The following NEDD9 variants were observed in gnomAD, a reference collection of about 807,000 sequenced individuals.
NEDD9 encodes the protein neural precursor cell expressed, developmentally down-regulated 9.
Under a neutral mutation model 76.6 loss-of-function variants are expected in NEDD9, and 26 were observed. The ratio of observed to expected loss-of-function variants is 0.34; its 90% confidence interval spans 0.25 to 0.47. NEDD9 has a LOEUF of 0.47. NEDD9 is among the 20% of genes least tolerant of loss of function. The pLI is 1.00. For synonymous variants in NEDD9, 392 were observed against 414.2 expected (o/e 0.95, Z 0.65); for missense variants, 937 against 1,058.5 (o/e 0.89, Z 1.59).
chr6:11,325,123 A>C (rs376651237), intron 2 of NEDD9, among the ~76,000 whole-genome samples: 1 of 152,146 alleles, frequency 6.6e-6, no homozygotes, highest in South Asian at 2.1e-4. Flanking sequence ...TGGGAGGCCG[A>C]GGTGGTGGAT....
At chr6:11,308,962 C>A (rs1056552244) in intron 2 of NEDD9, among the ~76,000 whole-genome samples, 3 of 152,122 alleles carry the variant, frequency 2.0e-5, no homozygotes, top group Non-Finnish European at 4.4e-5. Flanking sequence ...AGCAAAGCAG[C>A]GTCTAAAGTA....
intron 1 of NEDD9, among the ~76,000 whole-genome samples, chr6:11,353,243 C>A (rs1323330044): frequency 2.0e-5 from 3 of 152,234 alleles, no homozygotes; most frequent in Non-Finnish European, 1.5e-5. Flanking sequence ...GGAGTCCTAT[C>A]TCCTTGCACC....
At chr6:11,325,619 G>T (rs1240425665) in intron 2 of NEDD9, among the ~76,000 whole-genome samples, 1 of 152,112 alleles carries the variant, frequency 6.6e-6, no homozygotes, top group Non-Finnish European at 1.5e-5. Context: ...GAATAAGAAT[G>T]ATTTTAAAAG....
At chr6:11,236,670 C>A (rs1162970851), upstream of NEDD9, among the ~76,000 whole-genome samples, 1 of 152,116 alleles carries the variant, frequency 6.6e-6, no homozygotes, top group Non-Finnish European at 1.5e-5. The surrounding 1 kb of genome is among the most constrained non-coding windows in gnomAD (Gnocchi z 5.5). Context: ...GAGGTCAGGC[C>A]CCTGAATCTC....
chr6:11,300,018 G>A (rs138197172), intron 3 of NEDD9, among the ~76,000 whole-genome samples: 2 of 152,330 alleles, frequency 1.3e-5, no homozygotes, highest in East Asian at 3.9e-4. Context: ...AGTTTGATGA[G>A]TTGACAGAAG....
intron 2 of NEDD9, among the ~76,000 whole-genome samples, chr6:11,196,862 A>T (rs568105340): frequency 2.6e-5 from 4 of 152,194 alleles, no homozygotes; most frequent in Admixed American, 1.3e-4. Flanking sequence ...GGGAGCTCGA[A>T]GTCTTCTACT....
chr6:11,288,760 G>A (rs1027364254), intron 3 of NEDD9, among the ~76,000 whole-genome samples: 12 of 152,132 alleles, frequency 7.9e-5, no homozygotes, highest in Non-Finnish European at 1.6e-4. Context: ...CAGGCACAAT[G>A]CAGCCACTTG....
At chr6:11,357,186 A>G (rs1762593402) in intron 1 of NEDD9, among the ~76,000 whole-genome samples, 1 of 152,178 alleles carries the variant, frequency 6.6e-6, no homozygotes, top group African/African-American at 2.4e-5. Context: ...TTGCTGGGAC[A>G]TTACACAAGC....
intron 3 of NEDD9, among the ~76,000 whole-genome samples, chr6:11,261,853 T>C (rs1029903000): frequency 3.9e-5 from 6 of 152,148 alleles, no homozygotes; most frequent in Admixed American, 3.9e-4. Context: ...GGCCCAGCGG[T>C]GAAGCTTGCA....
intron 1 of NEDD9, among the ~76,000 whole-genome samples, chr6:11,348,245 T>C (rs998793392): frequency 2.0e-5 from 3 of 152,082 alleles, no homozygotes; most frequent in Non-Finnish European, 2.9e-5. Context: ...ATCTCTGCAA[T>C]GAGAACTACA....
chr6:11,350,592 C>T (rs537672042), intron 1 of NEDD9, among the ~76,000 whole-genome samples: 2 of 152,356 alleles, frequency 1.3e-5, no homozygotes, highest in South Asian at 4.1e-4. Context: ...TACAGACTCA[C>T]AGACTCTCAG....
At chr6:11,275,632 C>G (rs1307202010) in intron 3 of NEDD9, among the ~76,000 whole-genome samples, 1 of 151,978 alleles carries the variant, frequency 6.6e-6, no homozygotes, top group African/African-American at 2.4e-5. Flanking sequence ...AATGGTCTAG[C>G]AAGGAGGCCG....
chr6:11,269,107 A>G (rs978725931), intron 3 of NEDD9, among the ~76,000 whole-genome samples: 2 of 152,236 alleles, frequency 1.3e-5, no homozygotes, highest in African/African-American at 4.8e-5. Flanking sequence ...AGTACCTGTT[A>G]AAGGTTTTGG....
intron 3 of NEDD9, among the ~76,000 whole-genome samples, chr6:11,301,911 C>T (rs1358767915): frequency 3.3e-5 from 5 of 152,012 alleles, no homozygotes; most frequent in Admixed American, 6.5e-5. Context: ...CAAGAGAAAG[C>T]AGGAAAGATC....
chr6:11,204,658 T>G (rs1291920037), intron 2 of NEDD9, among the ~76,000 whole-genome samples: 1 of 137,176 alleles, frequency 7.3e-6, no homozygotes, highest in Non-Finnish European at 1.5e-5. Flanking sequence ...AGGCGGAGGT[T>G]GTGGTGAGCC....
intron 3 of NEDD9, among the ~76,000 whole-genome samples, chr6:11,293,471 C>A (rs1350040514): frequency 1.3e-5 from 2 of 152,080 alleles, no homozygotes; most frequent in African/African-American, 2.4e-5. Flanking sequence ...TCTATCCCCC[C>A]CTCTCAGCTT....
chr6:11,347,746 T>A (rs941380360), intron 1 of NEDD9, among the ~76,000 whole-genome samples: 2 of 152,172 alleles, frequency 1.3e-5, no homozygotes, highest in African/African-American at 4.8e-5. Flanking sequence ...TCAACATCCC[T>A]TCATGTTAAA....
intron 1 of NEDD9, among the ~76,000 whole-genome samples, chr6:11,344,852 C>T (rs1762335418): frequency 6.6e-6 from 1 of 152,164 alleles, no homozygotes; most frequent in African/African-American, 2.4e-5. Context: ...TACTCTCCAC[C>T]CATTACAGAG....
chr6:11,201,126 G>A (rs752059273), intron 2 of NEDD9: 6 of 1,549,356 alleles, frequency 3.9e-6, no homozygotes, highest in South Asian at 2.2e-5. Context: ...AGTCTCCTTG[G>A]GGGCACTTCT....
Sources: allele counts gnomAD v4.1 joint callset (sites outside exome capture counted in the v4.1 genomes callset), GRCh38; gene constraint gnomAD v4.1.1; non-coding constraint Gnocchi (gnomAD v3.1); transcripts MANE v1.5; gene names NCBI Gene and HGNC (gene_info 2026-07-23, HGNC 2026-07-21).